The following LRRC38 variants were observed in gnomAD, a reference collection of about 807,000 sequenced individuals.
LRRC38 encodes the protein leucine rich repeat containing 38.
LRRC38 carries 5 observed loss-of-function variants against 16.4 expected under a neutral mutation model. The observed-to-expected ratio is 0.31, with a 90% CI of 0.16 to 0.64. The LOEUF (loss-of-function observed/expected upper bound fraction) is 0.64. Among genes scored for constraint, LRRC38 ranks in the 30% least tolerant of loss-of-function variants. The pLI, the probability that LRRC38 is intolerant of heterozygous loss-of-function variation, is 0.80. For missense variants in LRRC38, 341 were observed against 401.8 expected (o/e 0.85, Z 1.29); for synonymous variants, 191 against 190.2 (o/e 1.00, Z -0.04).
At chr1:13,481,208 T>C (rs1044882211) in intron 1 of LRRC38, among the ~76,000 whole-genome samples, 11 of 151,928 alleles carry the variant, frequency 7.2e-5, no homozygotes, top group Non-Finnish European at 1.5e-4. Context: ...GCTTCCTGGG[T>C]TCAAGCGATT....
At position 13,498,252 on chromosome 1, in the gene LRRC38, A is replaced by AAC. The variant is rs201342939; in HGVS notation, c.631+14710_631+14711insGT. Among the ~76,000 whole-genome samples the AAC allele has an allele frequency of 5.6e-3, 843 of 149,316 alleles. 26 individuals carry two copies. The East Asian group carries it at 0.086, about 15-fold the overall frequency. Reference sequence around the variant, plus strand: ...CAAAAAACAAAACAAAACAAAACAAAAAAAAAAAGAGCCCAGTTTGTGTTT... The same window carrying AAC: ...CAAAAAACAAAACAAAACAAAACAAAACAAAAAAAAGAGCCCAGTTTGTGTTT... On this transcript the variant is annotated intron_variant, in intron 1 of 1. Transcript: ENST00000376085.
intron 1 of LRRC38, among the ~76,000 whole-genome samples, chr1:13,484,383 G>A (rs763805378): frequency 2.0e-5 from 3 of 151,958 alleles, no homozygotes; most frequent in East Asian, 3.9e-4. Flanking sequence ...GAGGTCCAGC[G>A]TTTTGTTTTG....
In LRRC38 at chr1:13,475,906, G is replaced by A. The variant is rs1638781578; in HGVS notation, c.825C>T (p.Cys275=). ...SSFFLATVVQ[C]LQRCAPNKDA... is the part of the protein sequence containing the mutation. Reference sequence around the variant, plus strand: ...CTTTGTTGGGTGCGCACCTCTGGAGGCACTGCACCACAGTGGCCAGGAAGA... The same window carrying A: ...CTTTGTTGGGTGCGCACCTCTGGAGACACTGCACCACAGTGGCCAGGAAGA... The change falls in exon 2 of 2, where the codon TGC becomes TGT. Residue 275 remains cysteine (C), a synonymous_variant. Coordinates refer to ENST00000376085, the MANE Select transcript of LRRC38 (RefSeq NM_001010847.2). This position sits in a 1 kb window ranked among gnomAD's most constrained non-coding sequence, Gnocchi z 4.3. 1.3e-6 allele frequency: 2 copies of A among 1,550,464 alleles called. No homozygotes were observed. Among genetic ancestry groups the A allele is most frequent in the Non-Finnish European group, 1.7e-6 (2 of 1,147,016 alleles).
chr1:13,483,131 CTT>C (rs572126619), intron 1 of LRRC38, among the ~76,000 whole-genome samples: 1 of 150,084 alleles, frequency 6.7e-6, no homozygotes, highest in Non-Finnish European at 1.5e-5. Flanking sequence ...GGCACAGTGT[CTT>C]TTTTTTTTAA....
chr1:13,499,220 T>G (rs1208437032), intron 1 of LRRC38, among the ~76,000 whole-genome samples: 1 of 152,056 alleles, frequency 6.6e-6, no homozygotes, highest in Non-Finnish European at 1.5e-5. Context: ...TGCCTCCATC[T>G]CCCGAGTAGC....
chr1:13,495,892 T>C (rs2100509379), intron 1 of LRRC38, among the ~76,000 whole-genome samples: 1 of 152,316 alleles, frequency 6.6e-6, no homozygotes, highest in Middle Eastern at 3.4e-3. Context: ...CTCAGGTGCC[T>C]GCAGACAGGC....
At chr1:13,507,762 G>A (rs906928121) in intron 1 of LRRC38, among the ~76,000 whole-genome samples, 1 of 152,000 alleles carries the variant, frequency 6.6e-6, no homozygotes, top group Admixed American at 6.5e-5. Flanking sequence ...AACCTGGGAG[G>A]TGGAGGTTGC....
chr1:13,509,491 T>C (rs34133962), intron 1 of LRRC38, among the ~76,000 whole-genome samples: 18,837 of 151,930 alleles, frequency 0.12, 1,819 homozygotes, highest in African/African-American at 0.26. Context: ...ATATTCTCCC[T>C]ATGGCCCAGG....
At chr1:13,502,529 G>C (rs376190324) in intron 1 of LRRC38, among the ~76,000 whole-genome samples, 12 of 152,156 alleles carry the variant, frequency 7.9e-5, no homozygotes, top group African/African-American at 2.4e-4. Flanking sequence ...AGCAGTTCTT[G>C]TGGCCTGGAC....
In LRRC38 at chr1:13,476,229, G is replaced by T. The variant is rs182073117; in HGVS notation, c.632-130C>A. ...TCCCAAAAATAAAAGGGGGGAAAAG[G>T]CTAATTTAAATGGAATTTAAACTTG... On this transcript the variant is annotated intron_variant, in intron 1 of 1. Coordinates refer to ENST00000376085, the MANE Select transcript of LRRC38 (RefSeq NM_001010847.2). The T allele has an allele frequency of 8.2e-5, 69 of 836,486 alleles. No individual in the cohort carries two copies. In the African/African-American group the frequency reaches 9.9e-4, roughly 12 times the overall value. 51.8% of individuals were successfully genotyped at this position (836,486 alleles called of 1,614,324 possible).
chr1:13,492,358 T>C (rs1639024144), intron 1 of LRRC38, among the ~76,000 whole-genome samples: 1 of 152,194 alleles, frequency 6.6e-6, no homozygotes, highest in African/African-American at 2.4e-5. Flanking sequence ...TTACATTTAT[T>C]TGGAGGAAAA....
intron 1 of LRRC38, among the ~76,000 whole-genome samples, chr1:13,500,317 C>G (rs1383042602): frequency 1.3e-5 from 2 of 151,818 alleles, no homozygotes; most frequent in African/African-American, 2.4e-5. Flanking sequence ...ACCTCCCTCA[C>G]AATTTGCCCA....
intron 1 of LRRC38, among the ~76,000 whole-genome samples, chr1:13,477,814 A>G (rs551958364): frequency 6.6e-6 from 1 of 152,264 alleles, no homozygotes; most frequent in East Asian, 1.9e-4. Flanking sequence ...GAAAACAGAG[A>G]CCCTGTGTCA....
chr1:13,498,464 C>A (rs1351923054), intron 1 of LRRC38, among the ~76,000 whole-genome samples: 1 of 152,046 alleles, frequency 6.6e-6, no homozygotes, highest in African/African-American at 2.4e-5. Context: ...AACCACATCT[C>A]TACTAAAAAT....
At chr1:13,476,386 T>A (rs966134618) in intron 1 of LRRC38, among the ~76,000 whole-genome samples, 1 of 152,158 alleles carries the variant, frequency 6.6e-6, no homozygotes, top group Non-Finnish European at 1.5e-5. Flanking sequence ...CTAGGCAACA[T>A]GGCGTGATCT....
chr1:13,506,053 C>A (rs1639209244), intron 1 of LRRC38, among the ~76,000 whole-genome samples: 1 of 151,682 alleles, frequency 6.6e-6, no homozygotes, highest in Admixed American at 6.6e-5. Context: ...GAACAAGACA[C>A]ATGTTGCCTC....
intron 1 of LRRC38, among the ~76,000 whole-genome samples, chr1:13,508,374 C>T (rs539109036): frequency 3.3e-5 from 5 of 152,236 alleles, no homozygotes; most frequent in African/African-American, 9.6e-5. Context: ...AGGAAACAAC[C>T]CACACTTCTA....
chr1:13,493,295 C>G (rs1292070422), intron 1 of LRRC38, among the ~76,000 whole-genome samples: 1 of 150,078 alleles, frequency 6.7e-6, no homozygotes, highest in Non-Finnish European at 1.5e-5. Context: ...TCACCAGGGC[C>G]AGGGTTGTGG....
At chr1:13,496,419 C>A (rs557081046) in intron 1 of LRRC38, among the ~76,000 whole-genome samples, 1 of 152,046 alleles carries the variant, frequency 6.6e-6, no homozygotes, top group Admixed American at 6.6e-5. Context: ...GCAATCTTCC[C>A]GCCTCAGCCT....
Sources: allele counts gnomAD v4.1 joint callset (sites outside exome capture counted in the v4.1 genomes callset), GRCh38; gene constraint gnomAD v4.1.1; non-coding constraint Gnocchi (gnomAD v3.1); transcripts MANE v1.5; gene names NCBI Gene and HGNC (gene_info 2026-07-23, HGNC 2026-07-21).